Variants in ARHGEF9 observed in about 807,000 individuals in gnomAD.
ARHGEF9 encodes the protein rho guanine nucleotide exchange factor 9.
A neutral mutation model predicts 41.3 loss-of-function variants in ARHGEF9; 2 were observed. That is an observed-to-expected ratio of 0.05 (90% CI 0.02 to 0.15). The LOEUF (loss-of-function observed/expected upper bound fraction) is 0.15, where lower values mean the gene tolerates loss of function less well. Ranked by LOEUF, ARHGEF9 falls within the 10% of genes least tolerant of loss-of-function variation. The pLI is 1.00. For synonymous variants in ARHGEF9, 160 were observed against 154.4 expected (o/e 1.04, Z -0.27); for missense variants, 225 against 424.7 (o/e 0.53, Z 4.13).
chrX:63,748,320 A>G (rs1556436807), intron 1 of ARHGEF9, among the ~76,000 whole-genome samples: 2 of 112,305 alleles, frequency 1.8e-5, no homozygotes, highest in Non-Finnish European at 1.9e-5. Context: ...CAACACTAGA[A>G]GAGGCTGCTA....
intron 8 of ARHGEF9, among the ~76,000 whole-genome samples, chrX:63,644,767 T>A (rs1335885705): frequency 1.8e-5 from 2 of 108,242 alleles, no homozygotes; most frequent in African/African-American, 6.7e-5. Flanking sequence ...TTATTATTTT[T>A]TTTTTTTTTG....
At chrX:63,781,271 G>T (rs1556461938) in intron 1 of ARHGEF9, among the ~76,000 whole-genome samples, 1 of 111,582 alleles carries the variant, frequency 9.0e-6, no homozygotes, top group Non-Finnish European at 1.9e-5. Context: ...TATTAAAAAT[G>T]ATCCATTCTA....
chrX:63,643,945 T>G (rs1556309503), intron 9 of ARHGEF9, 35 bp downstream of exon 9: 2 of 1,183,856 alleles, frequency 1.7e-6, no homozygotes, highest in South Asian at 3.6e-5. Context: ...TATGATTCCA[T>G]AGTCTTTCAC....
intron 4 of ARHGEF9, among the ~76,000 whole-genome samples, chrX:63,687,741 G>A (rs782316181): frequency 1.3e-4 from 14 of 109,745 alleles, no homozygotes; most frequent in Non-Finnish European, 2.1e-4. Context: ...TACATGGGAT[G>A]GTCTCAACAA....
intron 1 of ARHGEF9, among the ~76,000 whole-genome samples, chrX:63,759,232 T>C (rs782694995): frequency 6.3e-5 from 7 of 111,420 alleles, no homozygotes; most frequent in African/African-American, 2.3e-4. Context: ...TGTGGGTAGC[T>C]TTCTGAGTTA....
intron 4 of ARHGEF9, among the ~76,000 whole-genome samples, chrX:63,685,299 C>T (rs782393666): frequency 3.9e-4 from 43 of 110,771 alleles, no homozygotes; most frequent in African/African-American, 1.3e-3. Context: ...AACTAAAAAA[C>T]AATCCTGGGA....
At chrX:63,755,238 A>T in intron 1 of ARHGEF9, 1 of 937,912 alleles carries the variant, frequency 1.1e-6, no homozygotes, top group Non-Finnish European at 1.3e-6. Flanking sequence ...CCGCAGTAGC[A>T]CGTTCGCTGC....
chrX:63,645,643 G>C (rs1293043287), intron 8 of ARHGEF9, among the ~76,000 whole-genome samples: 2 of 111,866 alleles, frequency 1.8e-5, no homozygotes, highest in East Asian at 2.8e-4. Context: ...GGACATTTGG[G>C]TTGGTTCCAA....
At chrX:63,755,315 A>G in intron 1 of ARHGEF9, 1 of 801,549 alleles carries the variant, frequency 1.2e-6, no homozygotes, top group East Asian at 4.3e-5. Flanking sequence ...GCTCCCAAGC[A>G]AGCTCGCTCT....
chrX:63,772,790 C>T (rs1395671447), intron 1 of ARHGEF9, among the ~76,000 whole-genome samples: 3 of 111,354 alleles, frequency 2.7e-5, no homozygotes, highest in South Asian at 3.8e-4. Flanking sequence ...TGCCACTTGT[C>T]CCCCTCTCTC....
intron 1 of ARHGEF9, among the ~76,000 whole-genome samples, chrX:63,764,675 T>G (rs1196843630): frequency 2.7e-5 from 3 of 111,928 alleles, no homozygotes; most frequent in Admixed American, 9.5e-5. Flanking sequence ...TGCAGGGACA[T>G]GGATGGAGCT....
intron 7 of ARHGEF9, among the ~76,000 whole-genome samples, chrX:63,656,204 G>C (rs1488226392): frequency 9.0e-6 from 1 of 111,136 alleles, no homozygotes; most frequent in African/African-American, 3.3e-5. Flanking sequence ...CAGACTGCTG[G>C]CAAAGGATTA....
At chrX:63,736,752 T>C (rs2054634773) in intron 1 of ARHGEF9, among the ~76,000 whole-genome samples, 1 of 112,121 alleles carries the variant, frequency 8.9e-6, no homozygotes, top group Non-Finnish European at 1.9e-5. Context: ...ATGACAGATA[T>C]GCTTCACTAC....
chrX:63,750,086 C>A (rs781935625), intron 1 of ARHGEF9, among the ~76,000 whole-genome samples: 1 of 112,305 alleles, frequency 8.9e-6, no homozygotes, highest in African/African-American at 3.2e-5. Flanking sequence ...GAGCAAGATC[C>A]AGATGCCTTG....
intron 8 of ARHGEF9, among the ~76,000 whole-genome samples, chrX:63,645,013 G>A (rs782000885): frequency 9.1e-6 from 1 of 109,390 alleles, no homozygotes; most frequent in South Asian, 4.0e-4. Flanking sequence ...GGGCTCAAAC[G>A]ATCCTCCCAC....
chrX:63,723,312 A>C (rs782680166), intron 2 of ARHGEF9, among the ~76,000 whole-genome samples: 1 of 111,479 alleles, frequency 9.0e-6, no homozygotes, highest in Non-Finnish European at 1.9e-5. Flanking sequence ...AAAGCTATAG[A>C]GCTAGAAGGT....
At chrX:63,705,357 A>ATGTG (rs58549005) in intron 3 of ARHGEF9, among the ~76,000 whole-genome samples, 959 of 82,076 alleles carry the variant, frequency 0.012, 9 homozygotes, top group Admixed American at 0.038. Context: ...ATAAGAGAGA[A>ATGTG]TGTGTGTGTG....
chrX:63,782,848 C>T (rs781912814), intron 1 of ARHGEF9, among the ~76,000 whole-genome samples: 1 of 112,578 alleles, frequency 8.9e-6, no homozygotes, highest in South Asian at 3.6e-4. Context: ...TTATTAACAT[C>T]CGCATTTAAT....
chrX:63,731,851 G>A (rs1181316246), intron 1 of ARHGEF9, among the ~76,000 whole-genome samples: 3 of 111,009 alleles, frequency 2.7e-5, no homozygotes, highest in Non-Finnish European at 3.8e-5. Context: ...GTGAGCCACC[G>A]CACCCAGCCC....
Sources: gnomAD v4.1 joint callset for allele counts (sites outside exome capture counted in the v4.1 genomes callset) on GRCh38, gnomAD v4.1.1 for gene constraint, MANE v1.5 for transcripts, NCBI Gene and HGNC (gene_info 2026-07-23, HGNC 2026-07-21) for gene names.